Variants in YARS1 observed in about 807,000 individuals in gnomAD.
YARS1 encodes tyrosyl-tRNA synthetase 1.
A neutral mutation model predicts 62.2 loss-of-function variants in YARS1; 36 were observed. The ratio of observed to expected loss-of-function variants is 0.58; its 90% confidence interval spans 0.44 to 0.76. The LOEUF (loss-of-function observed/expected upper bound fraction) is 0.76, where lower values mean the gene tolerates loss of function less well. YARS1 is among the 30% of genes least tolerant of loss of function. YARS1 has a pLI of 0.00. For missense variants in YARS1, 524 were observed against 639.8 expected (o/e 0.82, Z 1.95); for synonymous variants, 234 against 244.9 (o/e 0.96, Z 0.42).
chr1:32,796,075 A>G (rs538149868), intron 5 of YARS1, among the ~76,000 whole-genome samples: 2 of 152,038 alleles, frequency 1.3e-5, no homozygotes, highest in Admixed American at 1.3e-4. Context: ...TGGGTGGATC[A>G]TGAGGTCAGG....
intron 3 of YARS1, among the ~76,000 whole-genome samples, chr1:32,810,145 G>A (rs1302671538): frequency 6.7e-6 from 1 of 150,202 alleles, no homozygotes; most frequent in East Asian, 1.9e-4. Flanking sequence ...ATTAGGACAC[G>A]AAATATCTAT....
At position 32,775,946 on chromosome 1, in the gene YARS1, C is replaced by A. The variant is rs1205683945; in HGVS notation, c.*35G>T. The A allele has an allele frequency of 1.3e-6, 2 of 1,541,412 alleles. No homozygotes were observed. Among genetic ancestry groups the A allele is most frequent in the African/African-American group, 2.7e-5 (2 of 73,378 alleles). On this transcript the variant is annotated 3_prime_UTR_variant, in exon 13 of 13. Transcript: ENST00000373477. ...CAGACTGAAGAGACAGCAGATGACTCAGTGGTGGAAGAAGGGGGGAAGATG... is the reference window on the plus strand; with the variant it reads ...CAGACTGAAGAGACAGCAGATGACTAAGTGGTGGAAGAAGGGGGGAAGATG...
In YARS1 at chr1:32,780,095, A is replaced by G; in HGVS notation, c.1324T>C (p.Cys442Arg). 1 of 1,614,088 alleles carries G rather than the reference A, an allele frequency of 6.2e-7. No homozygotes were observed. The highest frequency in any genetic ancestry group is 8.5e-7 in the Non-Finnish European group (1 of 1,180,024). The change falls in exon 11 of 13, where the codon TGT becomes CGT. Residue 442 changes from cysteine (C) to arginine (R), a missense_variant. Cys to Arg is a radical substitution (Grantham distance 180). Coordinates refer to ENST00000373477, the MANE Select transcript of YARS1 (RefSeq NM_003680.4). ...CAAGTCCTCACTCACATAGAAGCAC[A>G]CAGAAGCATGCCTTGGGACTCGACT... The part of the protein sequence containing the change: ...RGVESQGMLL[C>R]ASIEGINRQV...
chr1:32,810,189 G>A (rs984791510), intron 3 of YARS1, among the ~76,000 whole-genome samples: 1 of 151,570 alleles, frequency 6.6e-6, no homozygotes, highest in African/African-American at 2.4e-5. Flanking sequence ...AACTCACAAA[G>A]ATAAAAAGCA....
chr1:32,804,562 G>A (rs1416365388), intron 4 of YARS1, among the ~76,000 whole-genome samples: 11 of 151,602 alleles, frequency 7.3e-5, no homozygotes, highest in Admixed American at 2.0e-4. Flanking sequence ...ACGGGGTGGC[G>A]GTCGGGCAGA....
chr1:32,809,822 T>C (rs1569775780), intron 3 of YARS1, among the ~76,000 whole-genome samples: 1 of 152,184 alleles, frequency 6.6e-6, no homozygotes, highest in African/African-American at 2.4e-5. Flanking sequence ...AAGAGTAAGT[T>C]AGGCTGGGCG....
intron 8 of YARS1, among the ~76,000 whole-genome samples, chr1:32,785,512 A>C (rs1334559384): frequency 6.6e-6 from 1 of 151,784 alleles, no homozygotes; most frequent in East Asian, 1.9e-4. Flanking sequence ...ATAACTACAA[A>C]CCTAGCGGGC....
intron 4 of YARS1, among the ~76,000 whole-genome samples, chr1:32,798,647 A>AAAAC (rs549646533): frequency 2.0e-5 from 3 of 152,074 alleles, no homozygotes; most frequent in East Asian, 1.9e-4. Context: ...CCAAAAATAA[A>AAAAC]AAACAAACAA....
chr1:32,780,639 T>C (rs1171934720), intron 10 of YARS1: 1 of 411,642 alleles, frequency 2.4e-6, no homozygotes, highest in Non-Finnish European at 4.5e-6. Flanking sequence ...CCCAGAACAA[T>C]GGTCCCAGGC....
intron 8 of YARS1, chr1:32,783,254 G>A (rs1469583881): frequency 1.3e-5 from 2 of 152,488 alleles, no homozygotes; most frequent in African/African-American, 2.4e-5. Context: ...TGAAAATGAT[G>A]AGAACGCTGC....
Position 32,786,968 on chromosome 1 carries a change from G to T in YARS1, c.792C>A (p.Ile264=), listed in dbSNP as rs1205478939. Residue 264 remains isoleucine (I), a synonymous_variant, in exon 7 of 13, where the codon ATC becomes ATA. Coordinates refer to ENST00000373477, the MANE Select transcript of YARS1 (RefSeq NM_003680.4). ...ACTTAAGGGGAAAAAGGACATGCTT[G>T]ATGAAGGACAGAACCCCATTGTTCT... The part of the protein sequence containing the change: ...NVENNGVLSF[I]KHVLFPLKSE... The T allele has an allele frequency of 6.2e-7, 1 of 1,614,122 alleles. No homozygotes were observed. The highest frequency in any genetic ancestry group is 2.2e-5 in the East Asian group (1 of 44,884).
intron 3 of YARS1, among the ~76,000 whole-genome samples, chr1:32,809,796 A>C (rs984691803): frequency 5.9e-5 from 9 of 152,220 alleles, no homozygotes; most frequent in Non-Finnish European, 1.0e-4. Context: ...TTATAAATGC[A>C]TATCTGAGGT....
At chr1:32,782,752 G>C (rs2148601618) in intron 8 of YARS1, 1 of 624,706 alleles carries the variant, frequency 1.6e-6, no homozygotes, top group South Asian at 2.0e-5. Context: ...ATACTAACTT[G>C]AGGGTGTTTA....
chr1:32,779,457 C>T lies in YARS1; in HGVS notation c.1401G>A (p.Val467=), dbSNP rs1652984227. The change falls in exon 12 of 13, where the codon GTG becomes GTA. Residue 467 remains valine (V), a synonymous_variant. Coordinates refer to ENST00000373477, the MANE Select transcript of YARS1 (RefSeq NM_003680.4). ...PPAGSAPGEH[V]FVKGYEKGQP... ...GGCCCTTTTCATAGCCCTTCACAAACACGTGCTCACCAGGAGCAGAGCCTG... is the reference window on the plus strand; with the variant it reads ...GGCCCTTTTCATAGCCCTTCACAAATACGTGCTCACCAGGAGCAGAGCCTG... 1 of 1,614,220 alleles carries T rather than the reference C, an allele frequency of 6.2e-7. No homozygotes were observed. Among genetic ancestry groups the T allele is most frequent in the African/African-American group, 1.3e-5 (1 of 75,052 alleles).
intron 8 of YARS1, chr1:32,783,071 G>A (rs1653112738): frequency 1.9e-5 from 3 of 158,506 alleles, no homozygotes; most frequent in Admixed American, 1.2e-4. Flanking sequence ...ACCCAGGCTG[G>A]TCTTGAACTC....
chr1:32,803,584 A>G (rs538605081), intron 4 of YARS1, among the ~76,000 whole-genome samples: 140 of 152,276 alleles, frequency 9.2e-4, no homozygotes, highest in South Asian at 1.4e-3. Context: ...TCTAGCTACG[A>G]AAGTCCGAGA....
intron 4 of YARS1, among the ~76,000 whole-genome samples, chr1:32,802,710 G>C (rs1347665541): frequency 2.0e-5 from 3 of 152,130 alleles, no homozygotes; most frequent in Non-Finnish European, 4.4e-5. Context: ...TTGAGGAGTA[G>C]GTCTCAAAAG....
At chr1:32,791,968 G>C (rs922177822) in intron 5 of YARS1, among the ~76,000 whole-genome samples, 1 of 152,068 alleles carries the variant, frequency 6.6e-6, no homozygotes, top group Admixed American at 6.6e-5. Context: ...AGCAGACAGC[G>C]AAAGACTAAG....
rs976211342 is a variant in YARS1, at chr1:32,817,334, C to T, written c.-90G>A. Reference sequence around the variant, plus strand: ...CCGCCGCGTGCCGGGAACTGTCACGCGAGTCCAGCCAGGTTGCATCAGCTG... The same window carrying T: ...CCGCCGCGTGCCGGGAACTGTCACGTGAGTCCAGCCAGGTTGCATCAGCTG... On this transcript the variant is annotated 5_prime_UTR_variant, in exon 1 of 13. Transcript: ENST00000373477. 4.5e-6 allele frequency: 7 copies of T among 1,543,460 alleles called. No individual in the cohort carries two copies. The African/African-American group carries it at 9.5e-5, about 21-fold the overall frequency.
Sources: allele counts gnomAD v4.1 joint callset (sites outside exome capture counted in the v4.1 genomes callset), GRCh38; gene constraint gnomAD v4.1.1; transcripts MANE v1.5; gene names NCBI Gene and HGNC (gene_info 2026-07-23, HGNC 2026-07-21).